The following CA10 variants were observed in gnomAD, a reference collection of about 807,000 sequenced individuals.
CA10 encodes carbonic anhydrase 10 (inactive), also known as carbonic anhydrase-related protein 10.
Under a neutral mutation model 44.2 loss-of-function variants are expected in CA10, and 14 were observed. The observed-to-expected ratio is 0.32, with a 90% CI of 0.21 to 0.50. The LOEUF (loss-of-function observed/expected upper bound fraction) is 0.50. Among genes scored for constraint, CA10 ranks in the 20% least tolerant of loss-of-function variants. The probability of loss-of-function intolerance (pLI) is 0.99; values close to 1 mark genes in which losing one functional copy is unlikely to be tolerated. For missense variants in CA10, 350 were observed against 409.7 expected (o/e 0.85, Z 1.26); for synonymous variants, 159 against 141.6 (o/e 1.12, Z -0.87).
At chr17:52,002,901 G>C (rs922973973) in intron 2 of CA10, among the ~76,000 whole-genome samples, 1 of 151,868 alleles carries the variant, frequency 6.6e-6, no homozygotes, top group African/African-American at 2.4e-5. Context: ...CAATTAGCAA[G>C]CTCTAAAGTT....
chr17:51,918,574 T>C (rs958011511), intron 3 of CA10, among the ~76,000 whole-genome samples: 2 of 152,220 alleles, frequency 1.3e-5, no homozygotes, highest in African/African-American at 4.8e-5. Flanking sequence ...GGTTAGAGCA[T>C]GCATGTTTCA....
chr17:51,644,427 A>G (rs1913234962), intron 6 of CA10, among the ~76,000 whole-genome samples: 1 of 152,168 alleles, frequency 6.6e-6, no homozygotes. Flanking sequence ...AAAAGTGAGG[A>G]CATGTCCCGC....
intron 2 of CA10, among the ~76,000 whole-genome samples, chr17:51,962,093 C>T (rs1983913780): frequency 6.6e-6 from 1 of 152,226 alleles, no homozygotes; most frequent in African/African-American, 2.4e-5. Flanking sequence ...TCCAGGCAGT[C>T]AGAGCACAAC....
rs937705998 is a variant in CA10 at position 52,002,936 on chromosome 17, A to G, written c.136+69383T>C. The stretch of plus-strand genomic sequence containing the variant: ...TGGAATTTGAGCCCTATGTCTGGCT[A>G]TAACCTTGACCTCTTTCCATTATAC... On this transcript the variant is annotated intron_variant, in intron 2 of 8. Transcript: ENST00000451037. 6.6e-5 allele frequency among the ~76,000 whole-genome samples: 10 copies of G among 152,116 alleles called. No individual in the cohort carries two copies. The East Asian group carries it at 1.8e-3, about 27-fold the overall frequency.
intron 3 of CA10, among the ~76,000 whole-genome samples, chr17:51,825,769 G>A (rs1907984833): frequency 6.6e-6 from 1 of 152,170 alleles, no homozygotes; most frequent in South Asian, 2.1e-4. Context: ...TCAGATAAAA[G>A]CTACCTCTTC....
At chr17:51,716,986 T>C (rs9891708) in intron 4 of CA10, among the ~76,000 whole-genome samples, 1,660 of 152,300 alleles carry the variant, frequency 0.011, 38 homozygotes, top group African/African-American at 0.038. Flanking sequence ...GAGTAATCTA[T>C]GCAATAGGTT....
chr17:51,978,582 T>C (rs925488840), intron 2 of CA10, among the ~76,000 whole-genome samples: 2 of 151,870 alleles, frequency 1.3e-5, no homozygotes, highest in South Asian at 2.1e-4. Flanking sequence ...CTATAAAAAG[T>C]ATACAAAAAA....
chr17:52,063,210 A>G (rs1446032403), intron 2 of CA10, among the ~76,000 whole-genome samples: 1 of 152,216 alleles, frequency 6.6e-6, no homozygotes, highest in African/African-American at 2.4e-5. Flanking sequence ...CTATACAAAC[A>G]TTGCATATTA....
At chr17:51,915,060 T>G (rs2109453) in intron 3 of CA10, among the ~76,000 whole-genome samples, 8,701 of 152,248 alleles carry the variant, frequency 0.057, 782 homozygotes, top group African/African-American at 0.19. Flanking sequence ...CAATAAACAT[T>G]TATTGACTGC....
chr17:51,908,862 A>G (rs1285445523), intron 3 of CA10, among the ~76,000 whole-genome samples: 1 of 152,158 alleles, frequency 6.6e-6, no homozygotes, highest in Non-Finnish European at 1.5e-5. Context: ...AAAGCCATGG[A>G]CTGTAACATC....
At chr17:52,152,978 G>A (rs1454340923) in intron 1 of CA10, among the ~76,000 whole-genome samples, 1 of 152,034 alleles carries the variant, frequency 6.6e-6, no homozygotes, top group African/African-American at 2.4e-5. Flanking sequence ...TTTCTATAAT[G>A]GCTTGCTATC....
intron 2 of CA10, among the ~76,000 whole-genome samples, chr17:51,983,544 C>T (rs1268082368): frequency 6.6e-6 from 1 of 151,098 alleles, no homozygotes; most frequent in African/African-American, 2.4e-5. Flanking sequence ...TTTGTGAATC[C>T]CAGTTTACAA....
At chr17:51,950,463 T>C (rs1235156774) in intron 2 of CA10, among the ~76,000 whole-genome samples, 2 of 152,146 alleles carry the variant, frequency 1.3e-5, no homozygotes, top group Non-Finnish European at 2.9e-5. Flanking sequence ...AGAAGAGAGA[T>C]GCCTGGACGT....
intron 5 of CA10, among the ~76,000 whole-genome samples, chr17:51,649,953 T>C (rs1913494808): frequency 1.4e-5 from 2 of 145,978 alleles, no homozygotes; most frequent in South Asian, 4.4e-4. Context: ...TGTAATTCAA[T>C]CAACCAACCA....
At chr17:51,715,596 GGTTATTTTAAAATGTACAATTAA>G (rs1378993110) in intron 4 of CA10, among the ~76,000 whole-genome samples, 2 of 151,978 alleles carry the variant, frequency 1.3e-5, no homozygotes, top group Non-Finnish European at 2.9e-5. Flanking sequence ...ACACTCTTTC[GGTTATTTTAAAATGTACAATTAA>G]GTTATTTTAA....
chr17:52,091,509 C>T (rs1046644304), intron 1 of CA10, among the ~76,000 whole-genome samples: 5 of 152,136 alleles, frequency 3.3e-5, no homozygotes, highest in Non-Finnish European at 7.4e-5. Context: ...CACTCCCGCA[C>T]ATTGGCCACT....
At chr17:52,136,220 G>A (rs1294741139) in intron 1 of CA10, among the ~76,000 whole-genome samples, 1 of 152,176 alleles carries the variant, frequency 6.6e-6, no homozygotes, top group African/African-American at 2.4e-5. Flanking sequence ...TTTTCTAAAT[G>A]TGCCCTGTCA....
intron 3 of CA10, among the ~76,000 whole-genome samples, chr17:51,765,691 CTG>C (rs61631215): frequency 0.024 from 3,334 of 140,248 alleles, 42 homozygotes; most frequent in South Asian, 0.032. Context: ...AGGCAGCTCC[CTG>C]TGTGTGTGTG....
At chr17:51,787,616 G>A (rs775663311) in intron 3 of CA10, among the ~76,000 whole-genome samples, 15 of 151,634 alleles carry the variant, frequency 9.9e-5, no homozygotes, top group Middle Eastern at 3.4e-3. Context: ...TCAGCCTCCC[G>A]AGTAGATTGG....
Sources: allele counts gnomAD v4.1 joint callset (sites outside exome capture counted in the v4.1 genomes callset), GRCh38; gene constraint gnomAD v4.1.1; transcripts MANE v1.5; gene names NCBI Gene and HGNC (gene_info 2026-07-23, HGNC 2026-07-21).